Variants in KYAT3 observed in about 807,000 individuals in gnomAD.
KYAT3 encodes the protein kynurenine--oxoglutarate transaminase 3.
Under a neutral mutation model 59.0 loss-of-function variants are expected in KYAT3, and 50 were observed. That is an observed-to-expected ratio of 0.85 (90% confidence interval 0.68 to 1.07). The LOEUF (loss-of-function observed/expected upper bound fraction) is 1.07, where lower values mean the gene tolerates loss of function less well. Ranked by LOEUF, KYAT3 falls within the 50% of genes least tolerant of loss-of-function variation. KYAT3 has a pLI of 0.00. For missense variants in KYAT3, 497 were observed against 533.3 expected (o/e 0.93, Z 0.67); for synonymous variants, 148 against 177.0 (o/e 0.84, Z 1.30).
At chr1:88,972,493 T>C (rs917913466) in intron 2 of KYAT3, among the ~76,000 whole-genome samples, 5 of 152,236 alleles carry the variant, frequency 3.3e-5, no homozygotes, top group Non-Finnish European at 7.3e-5. Flanking sequence ...GGTGAACTTA[T>C]GGTGTCAGTT....
chr1:88,961,320 T>A (rs1224843006), intron 7 of KYAT3, 33 bp from the exon 8 acceptor site: 1 of 1,613,592 alleles, frequency 6.2e-7, no homozygotes, highest in South Asian at 1.1e-5. Context: ...CACAGCCAAT[T>A]ATTCAACATG....
intron 6 of KYAT3, 63 bp from the exon 7 acceptor site, chr1:88,961,569 G>A (rs10922530): frequency 0.37 from 509,980 of 1,388,048 alleles, 96,630 homozygotes; most frequent in Admixed American, 0.42. Context: ...TCTTACAAAC[G>A]AATAACCTAA....
At chr1:88,931,169 C>G (rs769092138), downstream of KYAT3, among the ~76,000 whole-genome samples, 5 of 152,146 alleles carry the variant, frequency 3.3e-5, no homozygotes, top group Non-Finnish European at 4.4e-5. Context: ...CATCAGATGG[C>G]CAAATCATTA....
downstream of KYAT3, among the ~76,000 whole-genome samples, chr1:88,935,214 C>A (rs1212104555): frequency 1.3e-5 from 2 of 150,280 alleles, no homozygotes; most frequent in Non-Finnish European, 3.0e-5. Context: ...TGTTGGCCAG[C>A]CTGGTCTCAA....
At chr1:88,981,521 G>A (rs1173317008) in intron 2 of KYAT3, 1 of 155,754 alleles carries the variant, frequency 6.4e-6, no homozygotes, top group Non-Finnish European at 1.5e-5. Context: ...CTAGTTATGA[G>A]TGTTAATCAA....
At chr1:88,952,286 G>A (rs1675706245) in intron 10 of KYAT3, among the ~76,000 whole-genome samples, 1 of 152,152 alleles carries the variant, frequency 6.6e-6, no homozygotes, top group Admixed American at 6.5e-5. Flanking sequence ...GAATAGCCAG[G>A]TAAGTACGTA....
intron 3 of KYAT3, 54 bp from the exon 4 acceptor site, chr1:88,968,868 T>C: frequency 1.5e-6 from 2 of 1,347,902 alleles, no homozygotes; most frequent in Non-Finnish European, 2.0e-6. Flanking sequence ...TAAAGTTCGC[T>C]TTTTTATATC....
chr1:88,973,316 AG>A (rs1177054566), intron 2 of KYAT3, among the ~76,000 whole-genome samples: 19 of 152,222 alleles, frequency 1.2e-4, no homozygotes, highest in Non-Finnish European at 5.9e-5. Flanking sequence ...CCTAGTTTGT[AG>A]TACTTTGTTA....
At chr1:88,979,372 T>G (rs1227222348) in intron 2 of KYAT3, 1 of 152,206 alleles carries the variant, frequency 6.6e-6, no homozygotes. Context: ...ATAAGATCTA[T>G]ATATCATTCA....
intron 13 of KYAT3, among the ~76,000 whole-genome samples, chr1:88,937,044 G>C (rs1675064148): frequency 6.6e-6 from 1 of 152,208 alleles, no homozygotes; most frequent in Non-Finnish European, 1.5e-5. Flanking sequence ...GGATGTCAGA[G>C]TCTGAGTGGG....
intron 2 of KYAT3, among the ~76,000 whole-genome samples, chr1:88,974,196 T>C (rs1676670275): frequency 6.6e-6 from 1 of 152,180 alleles, no homozygotes; most frequent in Non-Finnish European, 1.5e-5. Context: ...GGGGCCTGGA[T>C]GCTGGAGGGC....
rs1570822154 is a variant in KYAT3, at chr1:88,975,873, A to G, written c.100-6406T>C. On this transcript the variant is annotated intron_variant, in intron 2 of 13. Coordinates refer to ENST00000260508, the MANE Select transcript of KYAT3 (RefSeq NM_001008661.3). ...AACATGGTAAAACCCCGTCTCTACT[A>G]AAAATACAAAAATGAGCTAAGCGTG... is the stretch of plus-strand genomic sequence containing the variant. 2.0e-5 allele frequency among the ~76,000 whole-genome samples: 3 copies of G among 152,090 alleles called. 1 individual carries two copies. Among genetic ancestry groups the G allele is most frequent in the Admixed American group, 2.0e-4 (3 of 15,278 alleles).
At chr1:88,921,829 A>C in the KYAT3 span, among the ~76,000 whole-genome samples, 2 of 152,304 alleles carry the variant, frequency 1.3e-5, no homozygotes, top group East Asian at 3.9e-4. Context: ...TCTTTAACTC[A>C]GGGGAAGTCA....
chr1:88,946,245 CTCA>C (rs1468680555), intron 11 of KYAT3, among the ~76,000 whole-genome samples: 1 of 152,024 alleles, frequency 6.6e-6, no homozygotes, highest in African/African-American at 2.4e-5. Flanking sequence ...GAAGTTTAGT[CTCA>C]AGTTAATGCT....
At chr1:88,943,138 A>C (rs370319219) in intron 12 of KYAT3, 47 bp from the exon 13 acceptor site, 10 of 1,413,966 alleles carry the variant, frequency 7.1e-6, no homozygotes, top group African/African-American at 5.7e-5. Flanking sequence ...CTTACACTTC[A>C]AATATTAATT....
downstream of KYAT3, among the ~76,000 whole-genome samples, chr1:88,934,562 T>C (rs1674974729): frequency 6.6e-6 from 1 of 152,182 alleles, no homozygotes; most frequent in South Asian, 2.1e-4. Flanking sequence ...TCATGGTTGC[T>C]AGAACCTGCC....
At chr1:88,990,384 G>C (rs1677719025) in intron 1 of KYAT3, among the ~76,000 whole-genome samples, 1 of 152,050 alleles carries the variant, frequency 6.6e-6, no homozygotes, top group Admixed American at 6.5e-5. Context: ...CCTCAACCCA[G>C]TGCAGTCTGA....
At chr1:88,932,707 G>A (rs772992077), downstream of KYAT3, among the ~76,000 whole-genome samples, 6 of 152,014 alleles carry the variant, frequency 3.9e-5, no homozygotes, top group Non-Finnish European at 7.4e-5. Flanking sequence ...TGTTGCCCAG[G>A]CTGGTCTTGA....
the KYAT3 span, among the ~76,000 whole-genome samples, chr1:88,926,432 C>T: frequency 6.6e-6 from 1 of 152,180 alleles, no homozygotes; most frequent in Non-Finnish European, 1.5e-5. Flanking sequence ...ACCCCCCTCA[C>T]CCCCACAATT....
Sources: allele counts gnomAD v4.1 joint callset (sites outside exome capture counted in the v4.1 genomes callset), GRCh38; gene constraint gnomAD v4.1.1; transcripts MANE v1.5; gene names NCBI Gene and HGNC (gene_info 2026-07-23, HGNC 2026-07-21).